Variants in SEL1L2 observed in about 807,000 individuals in gnomAD.
SEL1L2 encodes the protein protein sel-1 homolog 2.
Under a neutral mutation model 98.8 loss-of-function variants are expected in SEL1L2, and 89 were observed. The ratio of observed to expected loss-of-function variants is 0.90; its 90% CI spans 0.76 to 1.07. The LOEUF (loss-of-function observed/expected upper bound fraction) is 1.07, where lower values mean the gene tolerates loss of function less well. Ranked by LOEUF, SEL1L2 falls within the 50% of genes least tolerant of loss-of-function variation. SEL1L2 has a pLI of 0.00. For missense variants in SEL1L2, 788 were observed against 812.0 expected (o/e 0.97, Z 0.36); for synonymous variants, 262 against 278.5 (o/e 0.94, Z 0.59).
intron 1 of SEL1L2, among the ~76,000 whole-genome samples, chr20:13,967,355 T>C (rs1231937158): frequency 6.6e-6 from 1 of 152,180 alleles, no homozygotes; most frequent in African/African-American, 2.4e-5. Flanking sequence ...CCCTTTTCCT[T>C]GAAACCTCTT....
At chr20:13,858,083 T>C (rs1989445542) in intron 18 of SEL1L2, among the ~76,000 whole-genome samples, 1 of 152,044 alleles carries the variant, frequency 6.6e-6, no homozygotes, top group African/African-American at 2.4e-5. Flanking sequence ...CTGCTTAGGG[T>C]GCCAGGGCTA....
chr20:13,953,319 C>T (rs2050361484), intron 2 of SEL1L2, among the ~76,000 whole-genome samples: 1 of 152,110 alleles, frequency 6.6e-6, no homozygotes, highest in African/African-American at 2.4e-5. Flanking sequence ...CTATCAAACT[C>T]CAAATGGTCA....
chr20:13,908,422 C>T (rs887539827), intron 5 of SEL1L2, among the ~76,000 whole-genome samples: 3 of 152,220 alleles, frequency 2.0e-5, no homozygotes, highest in East Asian at 3.9e-4. Context: ...CCGTGTCTGG[C>T]CATTTTTGAC....
intron 1 of SEL1L2, among the ~76,000 whole-genome samples, chr20:13,969,378 C>T (rs2051185526): frequency 6.6e-6 from 1 of 152,178 alleles, no homozygotes; most frequent in African/African-American, 2.4e-5. Context: ...ATGCCAACAT[C>T]CCCATGAACA....
chr20:13,942,880 T>C (rs1349420095), intron 2 of SEL1L2, among the ~76,000 whole-genome samples: 1 of 152,204 alleles, frequency 6.6e-6, no homozygotes, highest in Non-Finnish European at 1.5e-5. Context: ...GATGTTTACA[T>C]TGAAGCAAAG....
At chr20:13,951,235 C>G (rs1485659684) in intron 2 of SEL1L2, among the ~76,000 whole-genome samples, 2 of 137,328 alleles carry the variant, frequency 1.5e-5, no homozygotes, top group Non-Finnish European at 3.0e-5. Context: ...CGAGATAGCG[C>G]CACTGCACTC....
intron 2 of SEL1L2, among the ~76,000 whole-genome samples, chr20:13,939,995 A>G (rs1024113729): frequency 6.6e-6 from 1 of 152,218 alleles, no homozygotes; most frequent in Admixed American, 6.5e-5. Flanking sequence ...AAGTCATACA[A>G]AAAGCACTGA....
At chr20:13,918,881 TC>T in intron 4 of SEL1L2, 139 bp downstream of exon 4, 1 of 610,170 alleles carries the variant, frequency 1.6e-6, no homozygotes, top group Admixed American at 3.2e-5. Flanking sequence ...CACAATTTGA[TC>T]CTTTTAAAAA....
intron 12 of SEL1L2, among the ~76,000 whole-genome samples, chr20:13,872,808 AG>A (rs1035671393): frequency 6.6e-6 from 1 of 152,064 alleles, no homozygotes; most frequent in African/African-American, 2.4e-5. Flanking sequence ...AGACACCTGC[AG>A]GAACCATGCC....
chr20:13,912,385 C>T (rs568868630), intron 5 of SEL1L2, among the ~76,000 whole-genome samples: 1 of 150,902 alleles, frequency 6.6e-6, no homozygotes, highest in Non-Finnish European at 1.5e-5. Context: ...GCAACCTTCG[C>T]CTCCCAGGTT....
chr20:13,906,448 T>G (rs1008426255), intron 5 of SEL1L2, among the ~76,000 whole-genome samples: 3 of 152,184 alleles, frequency 2.0e-5, no homozygotes, highest in Admixed American at 2.0e-4. Context: ...ATCATTACTT[T>G]TAGCTCAAAT....
rs974292973 is a variant in SEL1L2, at chr20:13,905,788, GTGA to G, written c.549+7991_549+7993del. 6.4e-4 allele frequency among the ~76,000 whole-genome samples: 97 copies of G among 151,930 alleles called. 1 individual carries two copies. Among genetic ancestry groups the G allele is most frequent in the African/African-American group, 2.2e-3 (92 of 41,466 alleles). On this transcript the variant is annotated intron_variant, in intron 5 of 19. Transcript: ENST00000284951. ...GAATTGAAAGAGAAGCTACATAATA[GTGA>G]TGATACCAATGACACTTTCAGTGGT...
chr20:13,939,059 T>TTTTTTTTTTTTTTTTTTTTTTC (rs71188201), intron 2 of SEL1L2, among the ~76,000 whole-genome samples: 1 of 122,790 alleles, frequency 8.1e-6, no homozygotes, highest in Non-Finnish European at 1.7e-5. Flanking sequence ...TTTTTTTTTT[T>TTTTTTTTTTTTTTTTTTTTTTC]CTGAGATGGA....
intron 1 of SEL1L2, among the ~76,000 whole-genome samples, chr20:13,959,270 T>C (rs2050678890): frequency 6.6e-6 from 1 of 152,190 alleles, no homozygotes; most frequent in Admixed American, 6.5e-5. Flanking sequence ...CAACCAGTGA[T>C]GACCAGCTCA....
chr20:13,902,835 C>T (rs1005049758), intron 5 of SEL1L2, among the ~76,000 whole-genome samples: 24 of 151,770 alleles, frequency 1.6e-4, no homozygotes, highest in African/African-American at 4.1e-4. Flanking sequence ...AGTAAAATTC[C>T]GGCCAGGCGC....
In SEL1L2 at chr20:13,914,649, A is replaced by C. The variant is rs975593786; in HGVS notation, c.387-705T>G. ...GGGATAGCATTATAGCACCCACTTC[A>C]TAGGGTTGCTGTGGAGATTAAATGA... On this transcript the variant is annotated intron_variant, in intron 4 of 19. Coordinates refer to ENST00000284951, the MANE Select transcript of SEL1L2 (RefSeq NM_025229.2). Among the ~76,000 whole-genome samples, 13 of 152,308 alleles carry C rather than the reference A, an allele frequency of 8.5e-5. No individual in the cohort carries two copies. The South Asian group carries it at 1.5e-3, about 17-fold the overall frequency.
chr20:13,852,904 G>A (rs1287781151), intron 18 of SEL1L2, among the ~76,000 whole-genome samples: 2 of 151,926 alleles, frequency 1.3e-5, no homozygotes, highest in Admixed American at 6.6e-5. Context: ...TGGGAAGGTC[G>A]TTTTTGACTA....
intron 18 of SEL1L2, among the ~76,000 whole-genome samples, chr20:13,852,840 C>A (rs1600442551): frequency 6.6e-6 from 1 of 152,064 alleles, no homozygotes; most frequent in African/African-American, 2.4e-5. Context: ...TTTCCAGCCC[C>A]AAATCTTTGG....
At chr20:13,923,317 G>C (rs1382848666) in intron 3 of SEL1L2, among the ~76,000 whole-genome samples, 2 of 152,186 alleles carry the variant, frequency 1.3e-5, no homozygotes, top group East Asian at 1.9e-4. Context: ...GACATAAAAG[G>C]TTTTTAAAAA....
Sources: gnomAD v4.1 joint callset for allele counts (sites outside exome capture counted in the v4.1 genomes callset) on GRCh38, gnomAD v4.1.1 for gene constraint, MANE v1.5 for transcripts, NCBI Gene and HGNC (gene_info 2026-07-23, HGNC 2026-07-21) for gene names.